Variants in MAP3K12 observed in about 807,000 individuals in gnomAD.
MAP3K12 encodes MAPK-upstream kinase.
In MAP3K12, 14 loss-of-function variants were observed where a neutral mutation model predicts 87.5. That is an observed-to-expected ratio of 0.16 (90% CI 0.11 to 0.25). The LOEUF is 0.25. Among genes scored for constraint, MAP3K12 ranks in the 10% least tolerant of loss-of-function variants. MAP3K12 has a pLI of 1.00. For synonymous variants in MAP3K12, 469 were observed against 452.5 expected, an observed-to-expected ratio of 1.04 and a Z score of -0.46; for missense variants, 802 against 1,140.4, an observed-to-expected ratio of 0.70 and a Z score of 4.27.
intron 1 of MAP3K12, among the ~76,000 whole-genome samples, chr12:53,495,482 C>T (rs956058278): frequency 1.4e-4 from 19 of 139,652 alleles, no homozygotes; most frequent in South Asian, 4.8e-4. Flanking sequence ...TAGTGGTGGG[C>T]GCACCTGTAG....
chr12:53,481,888 C>G (rs1209995639), intron 13 of MAP3K12, 53 bp downstream of exon 13: 5 of 1,575,874 alleles, frequency 3.2e-6, no homozygotes, highest in Non-Finnish European at 3.5e-6. Flanking sequence ...GACAAGGCAT[C>G]TGCTTACAGC....
At chr12:53,494,856 A>G (rs1049960102) in intron 1 of MAP3K12, among the ~76,000 whole-genome samples, 9 of 152,112 alleles carry the variant, frequency 5.9e-5, no homozygotes, top group Non-Finnish European at 1.0e-4. Context: ...AATCGTGGCC[A>G]TGCCTCCTGT....
Position 53,482,810 on chromosome 12 carries a change from G to T in MAP3K12, c.1993C>A (p.Pro665Thr), listed in dbSNP as rs1161092099. 7 of 1,611,292 alleles carry T rather than the reference G, an allele frequency of 4.3e-6. No individual in the cohort carries two copies. The African/African-American group carries it at 8.0e-5, about 18-fold the overall frequency. The change falls in exon 11 of 14, where the codon CCT (proline) becomes ACT (threonine). Residue 665 changes from proline (P) to threonine (T), a missense_variant. This residue lies in a region of MAP3K12 where 490 missense variants were observed against 496.6 expected (regional missense o/e 0.99). Transcript: ENST00000547488. ...CCCCGGGCCGGAGGTGGTGAGCCAG[G>T]ATCCCCAGCTCCGCCTGTGGCCCCC... The part of the protein sequence containing the change: ...GRGATGGAGD[P>T]GSPPPARGDT...
Position 53,489,728 on chromosome 12 carries a change from A to G in MAP3K12, c.-37-2300T>C, listed in dbSNP as rs142218583. On this transcript the variant is annotated intron_variant, in intron 1 of 13. Transcript: ENST00000547488. ...TCAGTAGATGATTACACAGGCACAC[A>G]AGGAGGCTTGGGAAACTCTGATAGT... is the stretch of plus-strand genomic sequence containing the variant. 3.9e-5 allele frequency among the ~76,000 whole-genome samples: 6 copies of G among 152,248 alleles called. No homozygotes were observed. The East Asian group carries it at 7.7e-4, about 20-fold the overall frequency.
rs776257902 is a variant in MAP3K12, at chr12:53,486,038, C to A, written c.821+18G>T. The A allele has an allele frequency of 1.3e-6, 2 of 1,586,036 alleles. No individual in the cohort carries two copies. The highest frequency in any genetic ancestry group is 2.7e-5 in the African/African-American group (2 of 74,534). ...GTCACCTGCATGCACATCTGTTGCTCCCTGCTTGCTTACTCACTTGGGTGA... is the reference window on the plus strand; with the variant it reads ...GTCACCTGCATGCACATCTGTTGCTACCTGCTTGCTTACTCACTTGGGTGA... On this transcript the variant is annotated intron_variant, in intron 4 of 13. Coordinates refer to ENST00000547488, the MANE Select transcript of MAP3K12 (RefSeq NM_001193511.2). This position sits in a 1 kb window ranked among gnomAD's most constrained non-coding sequence, Gnocchi z 4.9.
At chr12:53,481,726 C>T in intron 13 of MAP3K12, 2 of 554,786 alleles carry the variant, frequency 3.6e-6, no homozygotes, top group Non-Finnish European at 6.3e-6. Context: ...CAGAATCATT[C>T]CCTGGCTGCA....
intron 1 of MAP3K12, among the ~76,000 whole-genome samples, chr12:53,494,923 C>A (rs1035273415): frequency 1.1e-4 from 17 of 152,236 alleles, no homozygotes; most frequent in African/African-American, 4.1e-4. Context: ...GTTGCCCAGG[C>A]TGGAGTGCAG....
chr12:53,488,409 C>T (rs1943298431), intron 1 of MAP3K12, among the ~76,000 whole-genome samples: 1 of 152,232 alleles, frequency 6.6e-6, no homozygotes, highest in Admixed American at 6.5e-5. Flanking sequence ...CACCTGTAAT[C>T]TCAGCACTTT....
Position 53,481,868 on chromosome 12 carries a change from G to A in MAP3K12, c.2580+73C>T. On this transcript the variant is annotated intron_variant, in intron 13 of 13. Coordinates refer to ENST00000547488, the MANE Select transcript of MAP3K12 (RefSeq NM_001193511.2). Reference sequence around the variant, plus strand: ...GGCCTGTGCAGCTGTCTCCCCAAAAGCTGTTAAAAGACAAGGCATCTGCTT... The same window carrying A: ...GGCCTGTGCAGCTGTCTCCCCAAAAACTGTTAAAAGACAAGGCATCTGCTT... The A allele has an allele frequency of 4.5e-6, 7 of 1,545,442 alleles. No homozygotes were observed. In the South Asian group the frequency reaches 8.6e-5, roughly 19 times the overall value.
At position 53,487,275 on chromosome 12, in the gene MAP3K12, C is replaced by T. The variant is rs1448913565; in HGVS notation, c.117G>A (p.Glu39=). 6.2e-7 allele frequency: 1 copy of T among 1,614,044 alleles called. No homozygotes were observed. The highest frequency in any genetic ancestry group is 1.1e-5 in the South Asian group (1 of 91,070). ...CACACTGGGTAGGCGTCAGGTCCTT[C>T]TCGGGAGTGCAGTCAGAAGTGTCTG... ...LDPDTSDCTP[E]KDLTPTQCVL... Residue 39 remains glutamate (E), a synonymous_variant, in exon 2 of 14, where the codon GAG becomes GAA. Coordinates refer to ENST00000547488, the MANE Select transcript of MAP3K12 (RefSeq NM_001193511.2).
In MAP3K12 at chr12:53,482,859, T is replaced by G; in HGVS notation, c.1944A>C (p.Ser648=). Reference sequence around the variant, plus strand: ...CCCGGCCCCGGGACCCTAGTGCTGCTGACAGCAGGTCTGGGGACGATGAAG... The same window carrying G: ...CCCGGCCCCGGGACCCTAGTGCTGCGGACAGCAGGTCTGGGGACGATGAAG... ...KMSSSSPDLL[S]AALGSRGRGA... Residue 648 remains serine (S), a synonymous_variant, in exon 11 of 14, where the codon TCA becomes TCC. Coordinates refer to ENST00000547488, the MANE Select transcript of MAP3K12 (RefSeq NM_001193511.2). The G allele has an allele frequency of 6.2e-7, 1 of 1,612,872 alleles. No homozygotes were observed. Among genetic ancestry groups the G allele is most frequent in the Non-Finnish European group, 8.5e-7 (1 of 1,179,534 alleles).
chr12:53,486,842 G>A lies in MAP3K12; in HGVS notation c.445+105C>T, dbSNP rs1943239922. The A allele has an allele frequency of 4.5e-6, 7 of 1,555,400 alleles. No individual in the cohort carries two copies. The Admixed American group carries it at 1.3e-4, about 28-fold the overall frequency. On this transcript the variant is annotated intron_variant, in intron 2 of 13. Transcript: ENST00000547488. The surrounding 1 kb of genome is among the most constrained non-coding windows in gnomAD (Gnocchi z 4.9). ...GATGGATGGCTAAGGGACTAGGGCTGGGCCATGGGGAGGGAAGGGACCATT... is the reference window on the plus strand; with the variant it reads ...GATGGATGGCTAAGGGACTAGGGCTAGGCCATGGGGAGGGAAGGGACCATT...
At chr12:53,494,772 G>A (rs1943505090) in intron 1 of MAP3K12, among the ~76,000 whole-genome samples, 1 of 152,134 alleles carries the variant, frequency 6.6e-6, no homozygotes, top group Non-Finnish European at 1.5e-5. Context: ...AAAGGGAAAG[G>A]AGACCCAAGA....
At chr12:53,500,625 T>C (rs1474564862), upstream of MAP3K12, 1 of 152,362 alleles carries the variant, frequency 6.6e-6, no homozygotes, top group Non-Finnish European at 1.5e-5. Flanking sequence ...TTGAGGGGAC[T>C]GTCTGAGACG....
At position 53,485,122 on chromosome 12, in the gene MAP3K12, T is replaced by G; in HGVS notation, c.1073A>C (p.Asn358Thr). Residue 358 changes from asparagine to threonine, a missense_variant, in exon 6 of 14, where the codon AAC becomes ACC. By Grantham distance (65) the Asn-to-Thr change is moderately conservative. Coordinates refer to ENST00000547488, the MANE Select transcript of MAP3K12 (RefSeq NM_001193511.2). Reference sequence around the variant, plus strand: ...GGAGGGCACGGGCAGATGGAGACTGTTGCTTCCCACACCCCAGATAATGGC... The same window carrying G: ...GGAGGGCACGGGCAGATGGAGACTGGTGCTTCCCACACCCCAGATAATGGC... ...SSAIIWGVGS[N>T]SLHLPVPSSC... is the part of the protein sequence containing the mutation. The G allele has an allele frequency of 6.2e-7, 1 of 1,614,178 alleles. No homozygotes were observed. Among genetic ancestry groups the G allele is most frequent in the Admixed American group, 1.7e-5 (1 of 60,020 alleles).
At position 53,487,086 on chromosome 12, in the gene MAP3K12, T is replaced by C. The variant is rs1455366201; in HGVS notation, c.306A>G (p.Ala102=). Residue 102 remains alanine (A), a synonymous_variant, in exon 2 of 14, where the codon GCA becomes GCG. Transcript: ENST00000547488. The part of the protein sequence containing the change: ...GGAAGSPESR[A]SRVRADEVRL... ...GCACCTCGTCAGCTCGAACTCTGGATGCCCGACTCTCAGGTGACCCAGCTG... is the reference window on the plus strand; with the variant it reads ...GCACCTCGTCAGCTCGAACTCTGGACGCCCGACTCTCAGGTGACCCAGCTG... 1 of 1,613,930 alleles carries C rather than the reference T, an allele frequency of 6.2e-7. No individual in the cohort carries two copies. The highest frequency in any genetic ancestry group is 8.5e-7 in the Non-Finnish European group (1 of 1,179,994).
upstream of MAP3K12, chr12:53,499,894 T>C (rs915420413): frequency 1.1e-4 from 17 of 152,336 alleles, no homozygotes; most frequent in African/African-American, 3.4e-4. Context: ...ACCCGTCTTA[T>C]AGACTCCTTT....
At position 53,479,672 on chromosome 12, in the gene MAP3K12, T is replaced by G. The variant is rs1218246642; in HGVS notation, c.*1510A>C. On this transcript the variant is annotated 3_prime_UTR_variant, in exon 14 of 14. Transcript: ENST00000547488. ...TTTAGTTTTATAAGCTTCTCCCTGGTTTTTTTTTTTTGGCTCATGAATTTT... is the reference window on the plus strand; with the variant it reads ...TTTAGTTTTATAAGCTTCTCCCTGGGTTTTTTTTTTTGGCTCATGAATTTT... The G allele has an allele frequency of 3.5e-6, 1 of 286,812 alleles. No individual in the cohort carries two copies. Among genetic ancestry groups the G allele is most frequent in the Non-Finnish European group, 6.4e-6 (1 of 155,142 alleles). The allele number at this position is 286,812 out of a possible 1,614,324, so 17.8% of individuals were successfully genotyped here.
chr12:53,490,600 C>T (rs550527937), intron 1 of MAP3K12, among the ~76,000 whole-genome samples: 5 of 151,974 alleles, frequency 3.3e-5, no homozygotes, highest in East Asian at 1.9e-4. Flanking sequence ...AAAAATTAGC[C>T]GTGTGTGGTG....
Sources: allele counts gnomAD v4.1 joint callset (sites outside exome capture counted in the v4.1 genomes callset), GRCh38; gene constraint gnomAD v4.1.1; regional missense constraint gnomAD v4.1.1; non-coding constraint Gnocchi (gnomAD v3.1); transcripts MANE v1.5; gene names NCBI Gene and HGNC (gene_info 2026-07-23, HGNC 2026-07-21).